The following DENND4A variants were observed in gnomAD, a reference collection of about 807,000 sequenced individuals.
The protein encoded by DENND4A is C-myc promoter-binding protein.
DENND4A carries 70 observed loss-of-function variants against 199.3 expected under a neutral mutation model. The observed-to-expected ratio is 0.35, with a 90% confidence interval of 0.29 to 0.43. The LOEUF (loss-of-function observed/expected upper bound fraction) is 0.43. Among genes scored for constraint, DENND4A ranks in the 20% least tolerant of loss-of-function variants. The probability of loss-of-function intolerance (pLI) is 1.00; values close to 1 mark genes in which losing one functional copy is unlikely to be tolerated. For synonymous variants in DENND4A, 686 were observed against 766.9 expected (o/e 0.89, Z 1.74); for missense variants, 1,723 against 2,255.8 (o/e 0.76, Z 4.78).
intron 7 of DENND4A, among the ~76,000 whole-genome samples, chr15:65,734,822 C>T (rs941527514): frequency 3.9e-5 from 6 of 152,152 alleles, no homozygotes; most frequent in Non-Finnish European, 7.3e-5. Context: ...TGGCCAGGCG[C>T]GGTAATCCCA....
At chr15:65,739,820 G>T (rs2076208107) in intron 5 of DENND4A, among the ~76,000 whole-genome samples, 1 of 152,158 alleles carries the variant, frequency 6.6e-6, no homozygotes, top group Non-Finnish European at 1.5e-5. Flanking sequence ...AGGATCTATA[G>T]TTAACTCTGT....
intron 4 of DENND4A, among the ~76,000 whole-genome samples, chr15:65,751,096 C>T (rs2076549945): frequency 6.6e-6 from 1 of 152,104 alleles, no homozygotes; most frequent in Admixed American, 6.6e-5. Context: ...TCACCTAGCT[C>T]TTTAAAGAAA....
chr15:65,700,992 T>C, intron 19 of DENND4A, 59 bp downstream of exon 19: 2 of 1,515,762 alleles, frequency 1.3e-6, no homozygotes, highest in Non-Finnish European at 8.9e-7. Flanking sequence ...TTTCTAAAAA[T>C]GTAAACTGTA....
intron 27 of DENND4A, among the ~76,000 whole-genome samples, chr15:65,669,007 T>C (rs1404200092): frequency 3.3e-5 from 5 of 152,142 alleles, no homozygotes. Flanking sequence ...GACTTCTATA[T>C]AGCAGAAAGC....
At chr15:65,662,995 C>A (rs373976114) in intron 32 of DENND4A, among the ~76,000 whole-genome samples, 3 of 152,138 alleles carry the variant, frequency 2.0e-5, no homozygotes. Flanking sequence ...TAACAAGGAT[C>A]TGAATAATCC....
At chr15:65,715,869 T>C (rs550989901) in intron 13 of DENND4A, among the ~76,000 whole-genome samples, 1 of 152,266 alleles carries the variant, frequency 6.6e-6, no homozygotes, top group South Asian at 2.1e-4. Context: ...ATCTTAAAGA[T>C]TATAAACTAG....
rs72498783 is a variant in DENND4A, at chr15:65,720,947, T to TTATATATATATATATATATATATATATA, written c.1588+1873_1588+1900dup. On this transcript the variant is annotated intron_variant, in intron 12 of 32. Coordinates refer to ENST00000443035, the MANE Select transcript of DENND4A (RefSeq NM_001320835.1). The stretch of plus-strand genomic sequence containing the variant: ...AAAGTTGAATGGGCTGTTTCATTGA[T>TTATATATATATATATATATATATATATA]TATATATATATATATATATATATAT... 3.1e-3 allele frequency among the ~76,000 whole-genome samples: 233 copies of TTATATATATATATATATATATATATATA among 76,050 alleles called. 5 individuals are homozygous for TTATATATATATATATATATATATATATA. The highest frequency in any genetic ancestry group is 4.0e-3 in the Non-Finnish European group (146 of 36,258). 49.9% of individuals were successfully genotyped at this position (76,050 alleles called of 152,430 possible). A position where few individuals can be genotyped will look rare whatever the true frequency, so the allele number is the denominator to read the frequency against.
rs1483119692 is a variant in DENND4A at position 65,701,123 on chromosome 15, C to T, written c.2629G>A (p.Val877Ile). The change falls in exon 19 of 33, where the codon GTT becomes ATT. Residue 877 changes from valine (V) to isoleucine (I), a missense_variant. Val to Ile is a conservative substitution (Grantham distance 29). Around this residue, in one of 6 missense-constraint regions of DENND4A, gnomAD observed 650 missense variants for 738.1 expected, o/e 0.88. Transcript: ENST00000443035. ...TTGAACTGTGTTACTCCTAAAACAA[C>T]ATTTCTTACTTTTGTCCAAAGAAAA... ...GYFLWTKVRN[V>I]VLGVTQFKRA... is the part of the protein sequence containing the mutation. The T allele has an allele frequency of 3.1e-6, 5 of 1,610,512 alleles. No homozygotes were observed. The highest frequency in any genetic ancestry group is 1.3e-5 in the African/African-American group (1 of 74,828).
In DENND4A at chr15:65,742,396, G is replaced by A. The variant is rs1414026353; in HGVS notation, c.562-612C>T. ...CCTCCTGGGTTCAAGTGATTCTCATGCCTCAGTCTCCCAAGTAGCTGGGAT... is the reference window on the plus strand; with the variant it reads ...CCTCCTGGGTTCAAGTGATTCTCATACCTCAGTCTCCCAAGTAGCTGGGAT... On this transcript the variant is annotated intron_variant, in intron 4 of 32. Coordinates refer to ENST00000443035, the MANE Select transcript of DENND4A (RefSeq NM_001320835.1). Among the ~76,000 whole-genome samples, 8 of 151,574 alleles carry A rather than the reference G, an allele frequency of 5.3e-5. No homozygotes were observed. In the East Asian group the frequency reaches 1.5e-3, roughly 29 times the overall value.
intron 1 of DENND4A, among the ~76,000 whole-genome samples, chr15:65,778,727 T>C (rs1351115437): frequency 6.6e-6 from 1 of 151,684 alleles, no homozygotes; most frequent in Non-Finnish European, 1.5e-5. Context: ...AAACTCCGTC[T>C]CTACTAAAAA....
chr15:65,781,169 G>A lies in DENND4A; in HGVS notation c.-102+10841C>T, dbSNP rs144069170. ...ATGGTCAACAATCCAGAAATAGTAC[G>A]TATATTCAGCAAATCTTCAAAAAGT... On this transcript the variant is annotated intron_variant, in intron 1 of 32. Transcript: ENST00000443035. Among the ~76,000 whole-genome samples the A allele has an allele frequency of 9.4e-3, 1,437 of 152,256 alleles. 8 individuals are homozygous for A. The highest frequency in any genetic ancestry group is 0.02 in the Middle Eastern group (6 of 294).
chr15:65,697,208 G>T, intron 21 of DENND4A, 59 bp downstream of exon 21: 1 of 1,070,462 alleles, frequency 9.3e-7, no homozygotes, highest in African/African-American at 1.6e-5. Context: ...AAAATCACCT[G>T]CATTTTCTAT....
intron 7 of DENND4A, among the ~76,000 whole-genome samples, chr15:65,734,639 C>A (rs897190693): frequency 6.6e-6 from 1 of 152,072 alleles, no homozygotes; most frequent in Non-Finnish European, 1.5e-5. Context: ...TACTCATAAT[C>A]TAAACAAACG....
At chr15:65,783,108 T>C (rs2077475412) in intron 1 of DENND4A, among the ~76,000 whole-genome samples, 1 of 151,954 alleles carries the variant, frequency 6.6e-6, no homozygotes, top group Admixed American at 6.6e-5. Context: ...AAAAATAAAA[T>C]TAAAATACAG....
intron 1 of DENND4A, among the ~76,000 whole-genome samples, chr15:65,774,824 T>TA (rs36084809): frequency 6.7e-5 from 10 of 148,968 alleles, no homozygotes; most frequent in African/African-American, 1.5e-4. Context: ...TTGCTTTTTT[T>TA]AAAAAAAAAT....
intron 24 of DENND4A, among the ~76,000 whole-genome samples, chr15:65,675,542 TA>T (rs1183998322): frequency 1.4e-5 from 2 of 144,736 alleles, no homozygotes; most frequent in African/African-American, 5.1e-5. Flanking sequence ...CTCCCCAATA[TA>T]AAAAAAGCTA....
intron 5 of DENND4A, 79 bp from the exon 6 acceptor site, chr15:65,738,954 T>A: frequency 8.9e-7 from 1 of 1,127,428 alleles, no homozygotes; most frequent in South Asian, 1.9e-5. Context: ...TAAAATGCTT[T>A]GTTATTTCAC....
At position 65,769,622 on chromosome 15, in the gene DENND4A, A is replaced by G. The variant is rs187522312; in HGVS notation, c.-101-8184T>C. Among the ~76,000 whole-genome samples, 38 of 152,322 alleles carry G rather than the reference A, an allele frequency of 2.5e-4. No homozygotes were observed. In the East Asian group the frequency reaches 7.3e-3, roughly 29 times the overall value. On this transcript the variant is annotated intron_variant, in intron 1 of 32. Transcript: ENST00000443035. Reference sequence around the variant, plus strand: ...TAAATCACTTAATGAGGTACTCGTCATTTTAAAAAACCAGAAATATGCTGA... The same window carrying G: ...TAAATCACTTAATGAGGTACTCGTCGTTTTAAAAAACCAGAAATATGCTGA...
intron 18 of DENND4A, 40 bp from the exon 19 acceptor site, chr15:65,701,232 T>G: frequency 2.8e-6 from 4 of 1,441,414 alleles, no homozygotes; most frequent in South Asian, 2.8e-5. Context: ...TAAAATAATT[T>G]TTATAAGTGA....
Sources: allele counts gnomAD v4.1 joint callset (sites outside exome capture counted in the v4.1 genomes callset), GRCh38; gene constraint gnomAD v4.1.1; regional missense constraint gnomAD v4.1.1; transcripts MANE v1.5; gene names NCBI Gene and HGNC (gene_info 2026-07-23, HGNC 2026-07-21).